Variants in PCDH15 observed in about 807,000 individuals in gnomAD.
The protein encoded by PCDH15 is protocadherin-15.
In PCDH15, 129 loss-of-function variants were observed where a neutral mutation model predicts 178.5. The observed-to-expected ratio is 0.72, with a 90% CI of 0.63 to 0.84. PCDH15 has a LOEUF of 0.84. PCDH15 is among the 40% of genes least tolerant of loss of function. PCDH15 has a pLI of 0.00. For missense variants in PCDH15, 2,230 were observed against 2,099.9 expected (o/e 1.06, Z -1.21); for synonymous variants, 800 against 732.0 (o/e 1.09, Z -1.50).
intron 13 of PCDH15, among the ~76,000 whole-genome samples, chr10:54,169,960 C>G (rs1232300542): frequency 1.3e-5 from 2 of 151,196 alleles, no homozygotes; most frequent in Non-Finnish European, 2.9e-5. Context: ...ACTCTCCTAT[C>G]CTCAGTACCT....
intron 8 of PCDH15, among the ~76,000 whole-genome samples, chr10:54,263,264 G>C (rs2057452785): frequency 6.6e-6 from 1 of 152,064 alleles, no homozygotes; most frequent in Non-Finnish European, 1.5e-5. Context: ...CTGAGGGAAG[G>C]GGAGTGCAGC....
intron 2 of PCDH15, among the ~76,000 whole-genome samples, chr10:54,560,142 C>G (rs2087907913): frequency 6.6e-6 from 1 of 152,072 alleles, no homozygotes; most frequent in South Asian, 2.1e-4. Flanking sequence ...ATGACCTTCT[C>G]TAGGCTTCTG....
At chr10:54,313,691 T>C (rs559140089) in intron 8 of PCDH15, among the ~76,000 whole-genome samples, 1 of 152,236 alleles carries the variant, frequency 6.6e-6, no homozygotes, top group South Asian at 2.1e-4. Context: ...AACCAGTTAA[T>C]ATTTGTGCAG....
chr10:55,119,266 G>A (rs935199187), intron 2 of PCDH15, among the ~76,000 whole-genome samples: 1 of 152,068 alleles, frequency 6.6e-6, no homozygotes, highest in Non-Finnish European at 1.5e-5. Context: ...CACACACCCA[G>A]GAAGCTGACC....
chr10:54,999,969 G>A (rs1214736181), intron 2 of PCDH15, among the ~76,000 whole-genome samples: 2 of 152,136 alleles, frequency 1.3e-5, no homozygotes, highest in African/African-American at 4.8e-5. Flanking sequence ...GAGATCACGT[G>A]CTTCACAAGG....
At position 54,842,395 on chromosome 10, in the gene PCDH15, T is replaced by C. The variant is rs182237104; in HGVS notation, c.-29+55055A>G. On this transcript the variant is annotated intron_variant, in intron 3 of 5. Coordinates refer to the PCDH15 transcript ENST00000458638. ...GATTCTAGTAACTCACACTTAGTAA[T>C]TTGTGACCTGCCCGTCTGCATCCAT... Among the ~76,000 whole-genome samples the C allele has an allele frequency of 9.1e-4, 138 of 151,986 alleles. 1 individual carries two copies. Among genetic ancestry groups the C allele is most frequent in the African/African-American group, 3.3e-3 (135 of 41,530 alleles).
At chr10:55,540,912 A>G (rs1340065106) in intron 2 of PCDH15, among the ~76,000 whole-genome samples, 1 of 152,054 alleles carries the variant, frequency 6.6e-6, no homozygotes, top group Non-Finnish European at 1.5e-5. Flanking sequence ...AATTGCCACC[A>G]TATATAAAGC....
intron 2 of PCDH15, among the ~76,000 whole-genome samples, chr10:55,435,061 TAGTC>T (rs1271321560): frequency 1.3e-5 from 2 of 152,192 alleles, no homozygotes; most frequent in African/African-American, 4.8e-5. Flanking sequence ...GGCAAAGTTT[TAGTC>T]AGGGAAAGAA....
At position 54,931,378 on chromosome 10, in the gene PCDH15, T is replaced by C. The variant is rs146571266; in HGVS notation, c.-79-33878A>G. ...CCTCTATATTCCAAAGCAAATGTCATAGAATGATGTCAGATTTCCAGGATA... is the reference window on the plus strand; with the variant it reads ...CCTCTATATTCCAAAGCAAATGTCACAGAATGATGTCAGATTTCCAGGATA... On this transcript the variant is annotated intron_variant, in intron 2 of 5. Coordinates refer to the PCDH15 transcript ENST00000458638. Among the ~76,000 whole-genome samples, 98 of 152,318 alleles carry C rather than the reference T, an allele frequency of 6.4e-4. 1 individual carries two copies. Among genetic ancestry groups the C allele is most frequent in the African/African-American group, 2.1e-3 (86 of 41,578 alleles).
intron 2 of PCDH15, among the ~76,000 whole-genome samples, chr10:54,596,638 T>A (rs1037750708): frequency 1.3e-5 from 2 of 152,024 alleles, no homozygotes; most frequent in Non-Finnish European, 2.9e-5. Context: ...TTTTCCCAAT[T>A]AAAAGGCACA....
chr10:55,130,510 G>C (rs548735091), intron 2 of PCDH15, among the ~76,000 whole-genome samples: 14 of 152,188 alleles, frequency 9.2e-5, no homozygotes, highest in African/African-American at 2.4e-4. Context: ...GACTACCAGG[G>C]GTCAAAGCTC....
chr10:54,305,258 A>T (rs901210491), intron 8 of PCDH15, among the ~76,000 whole-genome samples: 1 of 152,230 alleles, frequency 6.6e-6, no homozygotes, highest in Non-Finnish European at 1.5e-5. Flanking sequence ...TATGTAACAT[A>T]AATTTAGTTT....
chr10:54,137,017 A>G (rs1271821817), intron 14 of PCDH15, among the ~76,000 whole-genome samples: 1 of 152,206 alleles, frequency 6.6e-6, no homozygotes, highest in Admixed American at 6.5e-5. Flanking sequence ...TTAAAATGCT[A>G]TCTCCTTTTT....
At chr10:54,467,656 T>G (rs1049875589) in intron 3 of PCDH15, among the ~76,000 whole-genome samples, 4 of 148,688 alleles carry the variant, frequency 2.7e-5, no homozygotes, top group Non-Finnish European at 6.0e-5. Context: ...TTGTCTGGTA[T>G]TGGTATGAGG....
At chr10:54,457,280 G>A (rs2076887684) in intron 3 of PCDH15, among the ~76,000 whole-genome samples, 1 of 152,092 alleles carries the variant, frequency 6.6e-6, no homozygotes, top group Non-Finnish European at 1.5e-5. Flanking sequence ...CCTCAAAAAT[G>A]TATGCACTAT....
At chr10:54,123,115 G>A (rs939389323) in intron 15 of PCDH15, among the ~76,000 whole-genome samples, 1 of 152,106 alleles carries the variant, frequency 6.6e-6, no homozygotes, top group Non-Finnish European at 1.5e-5. Flanking sequence ...CTTTGGCAAA[G>A]GATTTATGAT....
At chr10:54,502,120 G>A (rs2080752831) in intron 3 of PCDH15, among the ~76,000 whole-genome samples, 1 of 151,938 alleles carries the variant, frequency 6.6e-6, no homozygotes, top group South Asian at 2.1e-4. Context: ...AGTGTGGAAT[G>A]AGAATGCTTA....
intron 15 of PCDH15, among the ~76,000 whole-genome samples, chr10:54,096,774 T>C (rs908607458): frequency 6.6e-6 from 1 of 152,172 alleles, no homozygotes; most frequent in Non-Finnish European, 1.5e-5. Context: ...TACCATCACG[T>C]TGGGGATTTT....
chr10:54,767,140 A>G (rs2133219239), intron 1 of PCDH15, among the ~76,000 whole-genome samples: 1 of 152,276 alleles, frequency 6.6e-6, no homozygotes, highest in East Asian at 1.9e-4. Context: ...GGCTTTTGCA[A>G]AATACGTAAC....
Sources: allele counts gnomAD v4.1 joint callset (sites outside exome capture counted in the v4.1 genomes callset), GRCh38; gene constraint gnomAD v4.1.1; transcripts MANE v1.5; gene names NCBI Gene and HGNC (gene_info 2026-07-23, HGNC 2026-07-21).